DNAJC1: variants seen among roughly 807,000 people sequenced by gnomAD.
The protein encoded by DNAJC1 is DnaJ heat shock protein family (Hsp40) member C1.
Under a neutral mutation model 76.6 loss-of-function variants are expected in DNAJC1, and 58 were observed. That is an observed-to-expected ratio of 0.76 (90% CI 0.61 to 0.94). The LOEUF (loss-of-function observed/expected upper bound fraction) is 0.94. Among genes scored for constraint, DNAJC1 ranks in the 40% least tolerant of loss-of-function variants. DNAJC1 has a pLI of 0.00. For synonymous variants in DNAJC1, 258 were observed against 267.9 expected (o/e 0.96, Z 0.36); for missense variants, 689 against 677.3 (o/e 1.02, Z -0.19).
chr10:21,862,691 A>C (rs1346466174), intron 8 of DNAJC1, among the ~76,000 whole-genome samples: 2 of 152,194 alleles, frequency 1.3e-5, no homozygotes, highest in South Asian at 2.1e-4. Flanking sequence ...AGCCTCCCAA[A>C]GGGCTGGGAT....
chr10:22,001,582 C>T (rs2131856635), intron 1 of DNAJC1, among the ~76,000 whole-genome samples: 1 of 152,270 alleles, frequency 6.6e-6, no homozygotes, highest in South Asian at 2.1e-4. Context: ...GTTCACACTG[C>T]CTAATTAACT....
In DNAJC1 at chr10:21,919,871, A is replaced by C; in HGVS notation, c.596T>G (p.Val199Gly). 1 of 1,609,476 alleles carries C rather than the reference A, an allele frequency of 6.2e-7. No homozygotes were observed. Among genetic ancestry groups the C allele is most frequent in the African/African-American group, 1.3e-5 (1 of 74,708 alleles). ...TGAAGCACCGAGTTTTGATACATCC[A>C]CACTCTTGCTGCCAGTCTTTTTTTT... ...EKKKKTGSKSVDVSKLGASEK... is the reference protein window; with the variant it reads ...EKKKKTGSKSGDVSKLGASEK... Residue 199 changes from valine to glycine, a missense_variant, in exon 5 of 12, where the codon GTG becomes GGG. Coordinates refer to ENST00000376980, the MANE Select transcript of DNAJC1 (RefSeq NM_022365.4).
chr10:21,956,667 C>T (rs2131813166), intron 1 of DNAJC1, among the ~76,000 whole-genome samples: 1 of 151,456 alleles, frequency 6.6e-6, no homozygotes, highest in African/African-American at 2.4e-5. Flanking sequence ...GGCCAAGCCA[C>T]TATAATTTTT....
chr10:21,961,769 A>G (rs975806874), intron 1 of DNAJC1, among the ~76,000 whole-genome samples: 2 of 152,158 alleles, frequency 1.3e-5, no homozygotes, highest in Admixed American at 6.5e-5. Flanking sequence ...TTTAAAGCCA[A>G]AGTTCTTACA....
In DNAJC1 at chr10:21,833,956, A is replaced by C. The variant is rs375875664; in HGVS notation, c.979-27857T>G. ...ACTGTAGGGTAAGTTTGTAAAAAAA[A>C]ATACTTTATGAAAGAGGGGTTCCCC... On this transcript the variant is annotated intron_variant, in intron 8 of 11. Transcript: ENST00000376980. 2.0e-4 allele frequency among the ~76,000 whole-genome samples: 31 copies of C among 152,276 alleles called. No homozygotes were observed. In the South Asian group the frequency reaches 3.9e-3, roughly 19 times the overall value.
At chr10:21,869,648 C>CT (rs753318317) in intron 8 of DNAJC1, among the ~76,000 whole-genome samples, 6 of 152,126 alleles carry the variant, frequency 3.9e-5, no homozygotes, top group Admixed American at 6.5e-5. Flanking sequence ...CTGAACTTGG[C>CT]TTTTTTCATC....
chr10:21,822,134 A>G (rs1278120258), intron 8 of DNAJC1, among the ~76,000 whole-genome samples: 1 of 152,134 alleles, frequency 6.6e-6, no homozygotes, highest in Non-Finnish European at 1.5e-5. Flanking sequence ...ATTCTCTTAG[A>G]ACAGACTCAT....
intron 8 of DNAJC1, among the ~76,000 whole-genome samples, chr10:21,845,603 C>G (rs1835645753): frequency 6.6e-6 from 1 of 152,042 alleles, no homozygotes; most frequent in Non-Finnish European, 1.5e-5. Context: ...TCCCAAAGTG[C>G]TGGGATTACA....
At chr10:21,898,544 T>C (rs752754644) in intron 7 of DNAJC1, among the ~76,000 whole-genome samples, 40 of 151,516 alleles carry the variant, frequency 2.6e-4, no homozygotes, top group Non-Finnish European at 4.9e-4. Context: ...GTATTTACTA[T>C]ACTATACTTT....
chr10:21,762,063 C>T (rs896133479), intron 10 of DNAJC1, among the ~76,000 whole-genome samples: 1 of 152,114 alleles, frequency 6.6e-6, no homozygotes, highest in Non-Finnish European at 1.5e-5. Context: ...GTCAGCCTCT[C>T]GAGGAGCTGG....
chr10:21,803,219 T>C (rs1043660199), intron 9 of DNAJC1, among the ~76,000 whole-genome samples: 4 of 152,102 alleles, frequency 2.6e-5, no homozygotes, highest in East Asian at 1.9e-4. Flanking sequence ...AAAAGGTCAA[T>C]TGTTTCTTGA....
At chr10:21,798,894 C>T (rs1834778883) in intron 9 of DNAJC1, among the ~76,000 whole-genome samples, 1 of 152,156 alleles carries the variant, frequency 6.6e-6, no homozygotes, top group Non-Finnish European at 1.5e-5. Flanking sequence ...TATGAACACA[C>T]ATTACTTTAT....
intron 7 of DNAJC1, among the ~76,000 whole-genome samples, chr10:21,899,872 G>A (rs1259450882): frequency 6.6e-6 from 1 of 152,160 alleles, no homozygotes; most frequent in Non-Finnish European, 1.5e-5. Context: ...CCACCCCTCT[G>A]CCTAGGAGCT....
intron 8 of DNAJC1, among the ~76,000 whole-genome samples, chr10:21,881,232 C>CTGGATAG (rs1836270124): frequency 6.6e-6 from 1 of 152,216 alleles, no homozygotes; most frequent in African/African-American, 2.4e-5. Flanking sequence ...CCAGACTACT[C>CTGGATAG]AAACTTTCTC....
At chr10:21,976,733 C>T (rs747053019) in intron 1 of DNAJC1, among the ~76,000 whole-genome samples, 1 of 152,042 alleles carries the variant, frequency 6.6e-6, no homozygotes, top group Non-Finnish European at 1.5e-5. Context: ...TCAGCTCTTC[C>T]CACTAAGCAA....
chr10:21,799,020 G>A (rs184993417), intron 9 of DNAJC1, among the ~76,000 whole-genome samples: 1 of 152,172 alleles, frequency 6.6e-6, no homozygotes, highest in African/African-American at 2.4e-5. Context: ...AGAAGAAGGA[G>A]AGAACTTACT....
At chr10:21,896,478 A>G (rs900767012) in intron 7 of DNAJC1, among the ~76,000 whole-genome samples, 2 of 152,182 alleles carry the variant, frequency 1.3e-5, no homozygotes, top group South Asian at 2.1e-4. Flanking sequence ...TTGCATGAGA[A>G]TATCAATTTT....
intron 8 of DNAJC1, among the ~76,000 whole-genome samples, chr10:21,827,916 T>G (rs1386320029): frequency 6.6e-6 from 1 of 152,250 alleles, no homozygotes; most frequent in Non-Finnish European, 1.5e-5. Context: ...TTTTAAATAA[T>G]TCTTTGCTTA....
intron 10 of DNAJC1, among the ~76,000 whole-genome samples, chr10:21,762,356 T>C (rs1011047103): frequency 6.6e-6 from 1 of 152,138 alleles, no homozygotes; most frequent in African/African-American, 2.4e-5. Flanking sequence ...AACAATGAGA[T>C]TGAAAAATTG....
Sources: gnomAD v4.1 joint callset for allele counts (sites outside exome capture counted in the v4.1 genomes callset) on GRCh38, gnomAD v4.1.1 for gene constraint, MANE v1.5 for transcripts, NCBI Gene and HGNC (gene_info 2026-07-23, HGNC 2026-07-21) for gene names.